The following NOL10 variants were observed in gnomAD, a reference collection of about 807,000 sequenced individuals.
The protein encoded by NOL10 is nucleolar protein 10, also known as H_NH0074G24.1.
NOL10 carries 58 observed loss-of-function variants against 103.5 expected under a neutral mutation model. That is an observed-to-expected ratio of 0.56 (90% CI 0.45 to 0.70). The LOEUF is 0.70. NOL10 is among the 30% of genes least tolerant of loss of function. The pLI, the probability that NOL10 is intolerant of heterozygous loss-of-function variation, is 0.00. For missense variants in NOL10, 763 were observed against 807.3 expected (o/e 0.95, Z 0.67); for synonymous variants, 287 against 282.5 (o/e 1.02, Z -0.16).
chr2:10,627,679 A>AAAACAAAC (rs565577750), intron 13 of NOL10, among the ~76,000 whole-genome samples: 1 of 148,770 alleles, frequency 6.7e-6, no homozygotes, highest in African/African-American at 2.5e-5. Flanking sequence ...CGTCTCAAAA[A>AAAACAAAC]AAACAAACAA....
intron 13 of NOL10, among the ~76,000 whole-genome samples, chr2:10,613,855 T>C (rs1237969164): frequency 6.6e-6 from 1 of 152,068 alleles, no homozygotes; most frequent in Non-Finnish European, 1.5e-5. Context: ...TAGATATAAA[T>C]ATCAGTTCTG....
chr2:10,589,560 T>G lies in NOL10; in HGVS notation c.1596+18A>C, dbSNP rs765670000. The G allele has an allele frequency of 1.3e-6, 2 of 1,522,386 alleles. No individual in the cohort carries two copies. Among genetic ancestry groups the G allele is most frequent in the African/African-American group, 2.8e-5 (2 of 71,686 alleles). The allele number at this position is 1,522,386 out of a possible 1,614,324, so 94.3% of individuals were successfully genotyped here. On this transcript the variant is annotated intron_variant, in intron 18 of 20. Coordinates refer to ENST00000381685, the MANE Select transcript of NOL10 (RefSeq NM_024894.4). The stretch of plus-strand genomic sequence containing the variant: ...TAAAGAAACAGTAGCAAATTCTAAC[T>G]GATAAGGAGTACATTACTTTTTCAC...
chr2:10,657,725 C>T lies in NOL10; in HGVS notation c.906+17G>A, dbSNP rs1312108556. ...CTGCAAATAAAGAAGCAAGTAATTT[C>T]AACCAAAAATACATACGGAGTTCTT... On this transcript the variant is annotated intron_variant, in intron 11 of 20. Coordinates refer to ENST00000381685, the MANE Select transcript of NOL10 (RefSeq NM_024894.4). 2 of 1,542,490 alleles carry T rather than the reference C, an allele frequency of 1.3e-6. No homozygotes were observed. Among genetic ancestry groups the T allele is most frequent in the South Asian group, 1.2e-5 (1 of 81,920 alleles).
At chr2:10,650,924 T>C (rs1679415107) in intron 12 of NOL10, among the ~76,000 whole-genome samples, 1 of 152,198 alleles carries the variant, frequency 6.6e-6, no homozygotes, top group African/African-American at 2.4e-5. Context: ...CTTGTCCTTG[T>C]GATTCCAACC....
intron 17 of NOL10, among the ~76,000 whole-genome samples, chr2:10,597,506 A>G (rs1675755249): frequency 6.6e-6 from 1 of 152,254 alleles, no homozygotes. Context: ...CTTTTAAATT[A>G]TAATGAAGGA....
At chr2:10,635,775 T>C (rs1678170169) in intron 13 of NOL10, among the ~76,000 whole-genome samples, 3 of 152,332 alleles carry the variant, frequency 2.0e-5, no homozygotes, top group African/African-American at 7.2e-5. Context: ...AATATATCCT[T>C]ACTGAACAAA....
chr2:10,678,006 CTT>C lies in NOL10; in HGVS notation c.212-2137_212-2136del, dbSNP rs1171558311. On this transcript the variant is annotated intron_variant, in intron 3 of 20. Coordinates refer to ENST00000381685, the MANE Select transcript of NOL10 (RefSeq NM_024894.4). ...ATAATTTGAAAGGCTATACATAAAA[CTT>C]TTAATATAGCCAGGACCTTTATTCC... 4.6e-5 allele frequency among the ~76,000 whole-genome samples: 7 copies of C among 151,882 alleles called. No homozygotes were observed. The East Asian group carries it at 1.4e-3, about 29-fold the overall frequency.
chr2:10,628,338 C>T lies in NOL10; in HGVS notation c.1026+15982G>A, dbSNP rs553330453. ...CTTCACTGTGCTATCCTGACATTCT[C>T]GACCCCCATTCACAAGTGGAGTCAC... On this transcript the variant is annotated intron_variant, in intron 13 of 20. Coordinates refer to ENST00000381685, the MANE Select transcript of NOL10 (RefSeq NM_024894.4). Among the ~76,000 whole-genome samples, 9 of 152,252 alleles carry T rather than the reference C, an allele frequency of 5.9e-5. No individual in the cohort carries two copies. The South Asian group carries it at 1.0e-3, about 18-fold the overall frequency.
intron 19 of NOL10, among the ~76,000 whole-genome samples, chr2:10,586,220 TA>T (rs1280978361): frequency 6.6e-6 from 1 of 152,232 alleles, no homozygotes; most frequent in Non-Finnish European, 1.5e-5. Flanking sequence ...ACTCTGTGAA[TA>T]TACTAAACAC....
intron 13 of NOL10, among the ~76,000 whole-genome samples, chr2:10,609,277 C>T (rs745620518): frequency 2.0e-5 from 3 of 151,626 alleles, no homozygotes; most frequent in Non-Finnish European, 4.4e-5. Flanking sequence ...GCTGGGACAC[C>T]GAATTAAGTC....
At chr2:10,609,183 C>T (rs918529125) in intron 13 of NOL10, among the ~76,000 whole-genome samples, 3 of 151,776 alleles carry the variant, frequency 2.0e-5, no homozygotes, top group East Asian at 1.9e-4. Context: ...TCCACACACA[C>T]GCACATACAC....
intron 19 of NOL10, among the ~76,000 whole-genome samples, chr2:10,581,945 C>T (rs1334372547): frequency 6.6e-6 from 1 of 152,176 alleles, no homozygotes; most frequent in Admixed American, 6.5e-5. Context: ...GGTGCACACA[C>T]AGCCATGACC....
At chr2:10,630,593 T>C (rs1469578277) in intron 13 of NOL10, among the ~76,000 whole-genome samples, 1 of 152,140 alleles carries the variant, frequency 6.6e-6, no homozygotes, top group Non-Finnish European at 1.5e-5. Flanking sequence ...CAGGTGCCTG[T>C]AGTCCCAGCT....
intron 16 of NOL10, among the ~76,000 whole-genome samples, chr2:10,602,325 G>A: frequency 6.6e-6 from 1 of 152,200 alleles, no homozygotes; most frequent in East Asian, 1.9e-4. Flanking sequence ...CCAATACCAA[G>A]TTAATCATTC....
intron 12 of NOL10, among the ~76,000 whole-genome samples, chr2:10,652,857 G>A (rs374801612): frequency 6.6e-6 from 1 of 152,182 alleles, no homozygotes; most frequent in South Asian, 2.1e-4. Context: ...CTGCGGATCG[G>A]TTCAGGGCTT....
At chr2:10,684,077 G>A (rs916515679) in intron 2 of NOL10, among the ~76,000 whole-genome samples, 2 of 151,992 alleles carry the variant, frequency 1.3e-5, no homozygotes, top group Non-Finnish European at 1.5e-5. Context: ...TCGCAAGTTC[G>A]AGACCAGCCT....
intron 3 of NOL10, among the ~76,000 whole-genome samples, chr2:10,679,299 C>T (rs1681553879): frequency 6.7e-6 from 1 of 149,274 alleles, no homozygotes; most frequent in Non-Finnish European, 1.5e-5. Flanking sequence ...GCAGAGGTTG[C>T]GGTAAGCCAA....
chr2:10,608,844 A>AT (rs1474066237), intron 13 of NOL10, among the ~76,000 whole-genome samples: 7 of 151,968 alleles, frequency 4.6e-5, no homozygotes, highest in African/African-American at 1.7e-4. Flanking sequence ...AACATGAAAA[A>AT]AACTCGAGCA....
chr2:10,600,096 C>T (rs1468399490), intron 17 of NOL10, among the ~76,000 whole-genome samples: 2 of 152,128 alleles, frequency 1.3e-5, no homozygotes, highest in South Asian at 2.1e-4. Flanking sequence ...TGCAGGCTGT[C>T]GCAGAGATCA....
Sources: gnomAD v4.1 joint callset for allele counts (sites outside exome capture counted in the v4.1 genomes callset) on GRCh38, gnomAD v4.1.1 for gene constraint, MANE v1.5 for transcripts, NCBI Gene and HGNC (gene_info 2026-07-23, HGNC 2026-07-21) for gene names.